The following CACNA1H variants were observed in gnomAD, a reference collection of about 807,000 sequenced individuals.
The protein encoded by CACNA1H is calcium voltage-gated channel subunit alpha1 H, also known as voltage-dependent T-type calcium channel subunit alpha-1H.
A neutral mutation model predicts 192.5 loss-of-function variants in CACNA1H; 149 were observed. That is an observed-to-expected ratio of 0.77 (90% CI 0.68 to 0.89). The LOEUF is 0.89. Among genes scored for constraint, CACNA1H ranks in the 40% least tolerant of loss-of-function variants. CACNA1H has a pLI of 0.00. For missense variants in CACNA1H, 4,257 were observed against 3,423.5 expected, an observed-to-expected ratio of 1.24 and a Z score of -6.08; for synonymous variants, 2,202 against 1,475.2, an observed-to-expected ratio of 1.49 and a Z score of -11.29.
At position 1,218,293 on chromosome 16, in the gene CACNA1H, C is replaced by G. The variant is rs758391189; in HGVS notation, c.5529C>G (p.Phe1843Leu). The change falls in exon 33 of 35, where the codon TTC (phenylalanine) becomes TTG (leucine). Residue 1843 changes from phenylalanine to leucine, a missense_variant. Coordinates refer to ENST00000348261, the MANE Select transcript of CACNA1H (RefSeq NM_021098.3). The stretch of plus-strand genomic sequence containing the variant: ...TGTCGCCCGTCTACTTCGTGACCTT[C>G]GTGCTGGTGGCCCAGTTCGTGCTGG... ...PALSPVYFVT[F>L]VLVAQFVLVN... is the part of the protein sequence containing the mutation. 1 of 1,553,820 alleles carries G rather than the reference C, an allele frequency of 6.4e-7. No homozygotes were observed. Among genetic ancestry groups the G allele is most frequent in the Non-Finnish European group, 8.7e-7 (1 of 1,148,932 alleles).
chr16:1,190,606 T>C (rs535684085), intron 2 of CACNA1H, among the ~76,000 whole-genome samples: 2 of 152,312 alleles, frequency 1.3e-5, no homozygotes, highest in Non-Finnish European at 2.9e-5. Context: ...AGGCGCGCAA[T>C]ACGCCTGCCT....
At chr16:1,200,177 C>G in intron 6 of CACNA1H, 79 bp from the exon 7 acceptor site, 8 of 1,195,046 alleles carry the variant, frequency 6.7e-6, no homozygotes, top group Non-Finnish European at 8.3e-6. Context: ...GATCACGTCC[C>G]TGATCACAAT....
At position 1,218,439 on chromosome 16, in the gene CACNA1H, G is replaced by T. The variant is rs58667649; in HGVS notation, c.5675G>T (p.Arg1892Leu). 1.0e-3 allele frequency: 1,587 copies of T among 1,552,680 alleles called. 15 individuals are homozygous for T. In the African/African-American group the frequency reaches 0.019, roughly 18 times the overall value. The part of the protein sequence containing the change: ...LEMAQGPGSA[R>L]RVDADRPPLP... ...ATGGCGCAGGGCCCCGGGAGTGCAC[G>T]CCGGGTGGACGCGGACAGGCCTCCC... is the stretch of plus-strand genomic sequence containing the variant. The change falls in exon 33 of 35, where the codon CGC (arginine) becomes CTC (leucine). Residue 1892 changes from arginine (R) to leucine (L), a missense_variant. Arg to Leu is a moderately radical substitution (Grantham distance 102). Coordinates refer to ENST00000348261, the MANE Select transcript of CACNA1H (RefSeq NM_021098.3).
chr16:1,211,112 G>T, intron 21 of CACNA1H, 56 bp from the exon 22 acceptor site: 1 of 1,593,598 alleles, frequency 6.3e-7, no homozygotes, highest in Non-Finnish European at 8.6e-7. Flanking sequence ...GAGCTCTGCC[G>T]GCGCCTGGCA....
At chr16:1,213,181 G>A (rs182292863) in intron 26 of CACNA1H, among the ~76,000 whole-genome samples, 6 of 152,236 alleles carry the variant, frequency 3.9e-5, no homozygotes, top group African/African-American at 1.2e-4. Flanking sequence ...CCCCTTGGAG[G>A]ATGGGGAGGG....
chr16:1,202,612 G>A (rs1968104415), intron 9 of CACNA1H, among the ~76,000 whole-genome samples, 160 bp downstream of exon 9: 1 of 152,180 alleles, frequency 6.6e-6, no homozygotes, highest in South Asian at 2.1e-4. Context: ...ATAAGAAGGG[G>A]AAAGAGGCAG....
At chr16:1,203,098 C>G (rs1421350390) in intron 9 of CACNA1H, among the ~76,000 whole-genome samples, 3 of 151,996 alleles carry the variant, frequency 2.0e-5, no homozygotes, top group Non-Finnish European at 4.4e-5. Flanking sequence ...GGGAGAGGTG[C>G]GAGCGAGGGT....
At chr16:1,159,996 G>A (rs546652689) in intron 2 of CACNA1H, 1 of 152,536 alleles carries the variant, frequency 6.6e-6, no homozygotes, top group Admixed American at 6.5e-5. Flanking sequence ...GAGACGTCCC[G>A]TTCCGGGGTC....
At position 1,202,228 on chromosome 16, in the gene CACNA1H, A is replaced by T; in HGVS notation, c.1778A>T (p.His593Leu). 1 of 1,556,136 alleles carries T rather than the reference A, an allele frequency of 6.4e-7. No individual in the cohort carries two copies. The highest frequency in any genetic ancestry group is 8.7e-7 in the Non-Finnish European group (1 of 1,151,492). The change falls in exon 9 of 35, where the codon CAT (histidine) becomes CTT (leucine). Residue 593 changes from histidine (H) to leucine (L), a missense_variant. By Grantham distance (99) the His-to-Leu change is moderately conservative (BLOSUM62 -3). Transcript: ENST00000348261. ...EGPQERARVA[H>L]AAATAAASLR... ...CCGCAGGAGAGGGCCCGGGTGGCAC[A>T]TGCCGCAGCCACTGCCGCTGCCAGC...
intron 2 of CACNA1H, among the ~76,000 whole-genome samples, chr16:1,187,835 C>CTGT (rs1458638957): frequency 6.6e-6 from 1 of 152,190 alleles, no homozygotes; most frequent in Non-Finnish European, 1.5e-5. Flanking sequence ...GATGCCTTAA[C>CTGT]TATCTCTTGA....
intron 6 of CACNA1H, chr16:1,199,021 T>C (rs376241192): frequency 1.2e-5 from 5 of 430,816 alleles, no homozygotes; most frequent in South Asian, 9.5e-5. Context: ...GCTGCACATA[T>C]GCCCCACCCC....
chr16:1,156,953 A>G (rs1015053980), intron 2 of CACNA1H: 6 of 152,210 alleles, frequency 3.9e-5, no homozygotes, highest in African/African-American at 1.2e-4. Context: ...GTTTCTTAAA[A>G]ATATAATTGT....
chr16:1,217,701 C>T (rs1390383339), intron 31 of CACNA1H, among the ~76,000 whole-genome samples: 1 of 152,092 alleles, frequency 6.6e-6, no homozygotes, highest in East Asian at 1.9e-4. Flanking sequence ...TGATGAGCCC[C>T]AGCCCAGGTG....
chr16:1,203,063 A>G (rs1809206223), intron 9 of CACNA1H, among the ~76,000 whole-genome samples: 1 of 152,090 alleles, frequency 6.6e-6, no homozygotes, highest in African/African-American at 2.4e-5. Context: ...GTAGAGACGC[A>G]GGCGGGGGTG....
rs1330412501 is a variant in CACNA1H, at chr16:1,185,677, T to TAC, written c.300-9295_300-9294insAC. ...GCATGCATAGGGGCCGGAGGCGGGGTGTGTACGGGGCGGGTGAGTAGACGG... is the reference window on the plus strand; with the variant it reads ...GCATGCATAGGGGCCGGAGGCGGGGTACGTGTACGGGGCGGGTGAGTAGACGG... On this transcript the variant is annotated intron_variant, in intron 2 of 34. Transcript: ENST00000348261. 3.6e-3 allele frequency among the ~76,000 whole-genome samples: 245 copies of TAC among 68,732 alleles called. 13 individuals are homozygous for TAC. The highest frequency in any genetic ancestry group is 5.5e-3 in the South Asian group (10 of 1,810). The allele number at this position is 68,732 out of a possible 152,430, so 45.1% of individuals were successfully genotyped here. A position where few individuals can be genotyped will look rare whatever the true frequency, so the allele number is the denominator to read the frequency against.
At chr16:1,178,637 G>A (rs1011367494) in intron 2 of CACNA1H, among the ~76,000 whole-genome samples, 2 of 152,106 alleles carry the variant, frequency 1.3e-5, no homozygotes, top group Middle Eastern at 3.2e-3. Flanking sequence ...TGCTTCAGCC[G>A]CCGCCATCCA....
intron 5 of CACNA1H, among the ~76,000 whole-genome samples, chr16:1,196,315 A>G (rs1312307515): frequency 6.6e-6 from 1 of 152,246 alleles, no homozygotes; most frequent in South Asian, 2.1e-4. Context: ...CCTTCTCTGC[A>G]TGGCATCTGG....
At chr16:1,212,408 C>A in intron 25 of CACNA1H, 103 bp from the exon 26 acceptor site, 5 of 1,262,294 alleles carry the variant, frequency 4.0e-6, no homozygotes, top group African/African-American at 1.5e-5. Flanking sequence ...CCACGAGGAG[C>A]CAGCACAGCC....
rs57105517 is a variant in CACNA1H at position 1,211,550 on chromosome 16, C to T, written c.4420C>T (p.Arg1474Trp). 644 of 1,612,216 alleles carry T rather than the reference C, an allele frequency of 4.0e-4. 1 individual carries two copies. In the African/African-American group the frequency reaches 7.3e-3, roughly 18 times the overall value. ...GAACATCTCCACCAAGGCACAGTGC[C>T]GGGCCGCCCACTACCGCTGGGTGCG... is the stretch of plus-strand genomic sequence containing the variant. ...TRNISTKAQC[R>W]AAHYRWVRRK... The change falls in exon 23 of 35, where the codon CGG (arginine) becomes TGG (tryptophan). Residue 1474 changes from arginine to tryptophan, a missense_variant. Coordinates refer to ENST00000348261, the MANE Select transcript of CACNA1H (RefSeq NM_021098.3).
Sources: gnomAD v4.1 joint callset for allele counts (sites outside exome capture counted in the v4.1 genomes callset) on GRCh38, gnomAD v4.1.1 for gene constraint, MANE v1.5 for transcripts, NCBI Gene and HGNC (gene_info 2026-07-23, HGNC 2026-07-21) for gene names.